Variants in BTAF1 observed in about 807,000 individuals in gnomAD.
BTAF1 encodes TATA-binding protein-associated factor 172.
In BTAF1, 38 loss-of-function variants were observed where a neutral mutation model predicts 227.1. The observed-to-expected ratio is 0.17, with a 90% confidence interval of 0.13 to 0.22. BTAF1 has a LOEUF of 0.22. Ranked by LOEUF, BTAF1 falls within the 10% of genes least tolerant of loss-of-function variation. The pLI is 1.00. For missense variants in BTAF1, 1,598 were observed against 2,204.0 expected, an observed-to-expected ratio of 0.73 and a Z score of 5.51; for synonymous variants, 742 against 751.9, an observed-to-expected ratio of 0.99 and a Z score of 0.21.
intron 1 of BTAF1, among the ~76,000 whole-genome samples, chr10:91,933,031 T>G (rs903071304): frequency 2.4e-4 from 36 of 152,132 alleles, no homozygotes; most frequent in African/African-American, 8.4e-4. Flanking sequence ...ACATACCCAC[T>G]GCAACCCCAA....
intron 8 of BTAF1, among the ~76,000 whole-genome samples, chr10:91,958,706 AAAC>A (rs757545139): frequency 1.2e-4 from 19 of 152,206 alleles, no homozygotes; most frequent in South Asian, 8.3e-4. Context: ...CCATCTCGAA[AAAC>A]AAACAAACAA....
intron 15 of BTAF1, among the ~76,000 whole-genome samples, 166 bp downstream of exon 15, chr10:91,980,724 A>G (rs1044003673): frequency 6.6e-6 from 1 of 152,154 alleles, no homozygotes; most frequent in Non-Finnish European, 1.5e-5. Flanking sequence ...GTAGCATGTA[A>G]TAGTTAAGTT....
chr10:91,961,146 CA>C (rs1439020925), intron 11 of BTAF1, among the ~76,000 whole-genome samples: 18 of 151,978 alleles, frequency 1.2e-4, no homozygotes. Context: ...AATGGGTCAG[CA>C]AAGAGTGAGT....
chr10:92,004,470 T>C (rs1365636272), intron 25 of BTAF1, among the ~76,000 whole-genome samples: 1 of 152,170 alleles, frequency 6.6e-6, no homozygotes, highest in Admixed American at 6.5e-5. Flanking sequence ...TTTGATTGTT[T>C]TGGGTTTTTG....
rs3814639 is a variant in BTAF1, at chr10:91,942,686, G to A, written c.400+118G>A. The A allele has an allele frequency of 0.36, 435,914 of 1,196,296 alleles. 84,034 individuals carry two copies. Among genetic ancestry groups the A allele is most frequent in the South Asian group, 0.5 (30,487 of 60,606 alleles). 74.1% of individuals were successfully genotyped at this position (1,196,296 alleles called of 1,614,324 possible). A position where few individuals can be genotyped will look rare whatever the true frequency, so the allele number is the denominator to read the frequency against. The stretch of plus-strand genomic sequence containing the variant: ...ACATGTCATGAAATGTAAATTAACT[G>A]AAGTTTGCAGGTGGCGGGGGATGCT... On this transcript the variant is annotated intron_variant, in intron 4 of 37. Transcript: ENST00000265990.
intron 23 of BTAF1, 73 bp downstream of exon 23, chr10:91,994,717 A>G: frequency 7.7e-7 from 1 of 1,295,902 alleles, no homozygotes; most frequent in South Asian, 1.2e-5. Context: ...TTAAGGTTTG[A>G]AAGGTACAGC....
chr10:91,955,214 C>T (rs988902374), intron 6 of BTAF1, among the ~76,000 whole-genome samples: 1 of 152,138 alleles, frequency 6.6e-6, no homozygotes, highest in Non-Finnish European at 1.5e-5. Context: ...TTTATTCATA[C>T]AAGCACTTTT....
Position 92,018,868 on chromosome 10 carries a change from A to C in BTAF1, c.4796A>C (p.Lys1599Thr), listed in dbSNP as rs749658540. Residue 1599 changes from lysine (K) to threonine (T), a missense_variant, in exon 34 of 38, where the codon AAA (lysine) becomes ACA (threonine). Transcript: ENST00000265990. The stretch of plus-strand genomic sequence containing the variant: ...CCAGAATTCAAGACCACTGCCGAAA[A>C]ACTGGCAGTTCAGAATTCTTCTCTA... ...QHPEFKTTAE[K>T]LAVQNSSLHD... is the part of the protein sequence containing the mutation. 1.9e-6 allele frequency: 3 copies of C among 1,611,148 alleles called. No homozygotes were observed. The highest frequency in any genetic ancestry group is 2.5e-6 in the Non-Finnish European group (3 of 1,179,254).
chr10:91,986,521 C>T (rs1848399563), intron 19 of BTAF1, among the ~76,000 whole-genome samples: 1 of 148,642 alleles, frequency 6.7e-6, no homozygotes, highest in South Asian at 2.2e-4. Flanking sequence ...TTTTTGTTCT[C>T]ACCTGTGGAG....
At chr10:91,993,419 C>T (rs1479388017) in intron 21 of BTAF1, among the ~76,000 whole-genome samples, 1 of 152,156 alleles carries the variant, frequency 6.6e-6, no homozygotes, top group African/African-American at 2.4e-5. Flanking sequence ...TTAGGACTAT[C>T]TCTAGAAACA....
chr10:91,934,418 G>A (rs1036025764), intron 1 of BTAF1, among the ~76,000 whole-genome samples: 1 of 151,948 alleles, frequency 6.6e-6, no homozygotes, highest in Non-Finnish European at 1.5e-5. Context: ...TGTATTTTTA[G>A]TAGAGATGGG....
At chr10:91,975,568 T>G (rs549856602) in intron 14 of BTAF1, among the ~76,000 whole-genome samples, 1 of 152,316 alleles carries the variant, frequency 6.6e-6, no homozygotes, top group South Asian at 2.1e-4. Flanking sequence ...CAGAGCAAAT[T>G]AGTAAAATTA....
intron 19 of BTAF1, among the ~76,000 whole-genome samples, chr10:91,986,132 G>GT (rs144938554): frequency 0.062 from 9,383 of 152,036 alleles, 952 homozygotes; most frequent in African/African-American, 0.22. Flanking sequence ...TAATGTTTGT[G>GT]TATAGTATGA....
At chr10:91,956,731 T>A in intron 7 of BTAF1, 74 bp downstream of exon 7, 2 of 1,503,228 alleles carry the variant, frequency 1.3e-6, no homozygotes, top group Middle Eastern at 4.8e-4. Context: ...GGCTCACTCC[T>A]GTAATCCCAG....
intron 14 of BTAF1, among the ~76,000 whole-genome samples, chr10:91,977,031 A>C (rs1474621547): frequency 6.6e-6 from 1 of 152,188 alleles, no homozygotes; most frequent in Non-Finnish European, 1.5e-5. Context: ...GGGTAAGTGG[A>C]ATTTAGCCAG....
At chr10:91,945,872 A>G (rs1845329273) in intron 4 of BTAF1, among the ~76,000 whole-genome samples, 1 of 152,168 alleles carries the variant, frequency 6.6e-6, no homozygotes, top group African/African-American at 2.4e-5. Context: ...AGTTTTCCCT[A>G]ACAGCTGCAT....
chr10:92,023,751 T>A (rs1851300821), intron 34 of BTAF1, among the ~76,000 whole-genome samples: 1 of 152,166 alleles, frequency 6.6e-6, no homozygotes, highest in African/African-American at 2.4e-5. Flanking sequence ...TTCTCCTGTC[T>A]CAGCCTCTCA....
In BTAF1 at chr10:92,031,015, G is replaced by T. The variant is rs1245015723; in HGVS notation, c.*2082G>T. ...TCAATTTCATGGATGTGATGATTTGGTAGTTTTTTCAATGTATGGGTGTGG... is the reference window on the plus strand; with the variant it reads ...TCAATTTCATGGATGTGATGATTTGTTAGTTTTTTCAATGTATGGGTGTGG... On this transcript the variant is annotated 3_prime_UTR_variant, in exon 38 of 38. Transcript: ENST00000265990. Among the ~76,000 whole-genome samples the T allele has an allele frequency of 2.0e-5, 3 of 152,140 alleles. No homozygotes were observed. The highest frequency in any genetic ancestry group is 7.2e-5 in the African/African-American group (3 of 41,446).
At chr10:91,984,134 G>A in intron 18 of BTAF1, 67 bp from the exon 19 acceptor site, 1 of 1,396,510 alleles carries the variant, frequency 7.2e-7, no homozygotes, top group Non-Finnish European at 9.9e-7. Context: ...GTCTACAAAT[G>A]ACGATTTCTG....
Sources: allele counts gnomAD v4.1 joint callset (sites outside exome capture counted in the v4.1 genomes callset), GRCh38; gene constraint gnomAD v4.1.1; transcripts MANE v1.5; gene names NCBI Gene and HGNC (gene_info 2026-07-23, HGNC 2026-07-21).